The following ITPK1 variants were observed in gnomAD, a reference collection of about 807,000 sequenced individuals.
ITPK1 encodes inositol 1,3,4-trisphosphate 5/6-kinase.
Under a neutral mutation model 45.3 loss-of-function variants are expected in ITPK1, and 21 were observed. The observed-to-expected ratio is 0.46, with a 90% CI of 0.33 to 0.67. ITPK1 has a LOEUF of 0.67. ITPK1 is among the 30% of genes least tolerant of loss of function. The pLI is 0.02. For synonymous variants in ITPK1, 258 were observed against 253.6 expected (o/e 1.02, Z -0.16); for missense variants, 474 against 573.5 (o/e 0.83, Z 1.77).
Position 93,095,049 on chromosome 14 carries a change from T to C in ITPK1, c.96-18430A>G, listed in dbSNP as rs538695115. Among the ~76,000 whole-genome samples, 4 of 152,340 alleles carry C rather than the reference T, an allele frequency of 2.6e-5. No individual in the cohort carries two copies. The South Asian group carries it at 8.3e-4, about 32-fold the overall frequency. On this transcript the variant is annotated intron_variant, in intron 2 of 10. Coordinates refer to ENST00000267615, the MANE Select transcript of ITPK1 (RefSeq NM_014216.6). ...TCTTCCCAGATAGAGAAACTTGCTC[T>C]GTTCCTCGAGCAGAGTTCATCTAAC...
chr14:93,064,661 A>G (rs1890674022), intron 3 of ITPK1, among the ~76,000 whole-genome samples: 1 of 152,220 alleles, frequency 6.6e-6, no homozygotes. Context: ...CTCTAAGGCC[A>G]TTGCATAAAG....
chr14:93,048,282 TTCAATGATGGCCAG>T (rs1889865590), intron 3 of ITPK1, among the ~76,000 whole-genome samples: 1 of 152,252 alleles, frequency 6.6e-6, no homozygotes. Flanking sequence ...AAAGCTTTGT[TTCAATGATGGCCAG>T]TCTTTACGTC....
chr14:92,996,402 G>A (rs2139814487), intron 4 of ITPK1, among the ~76,000 whole-genome samples: 1 of 149,956 alleles, frequency 6.7e-6, no homozygotes, highest in East Asian at 2.0e-4. Flanking sequence ...TTGGACACAG[G>A]GTGGGGAATA....
At chr14:93,112,895 C>T (rs934028598) in intron 2 of ITPK1, among the ~76,000 whole-genome samples, 3 of 152,236 alleles carry the variant, frequency 2.0e-5, no homozygotes, top group African/African-American at 7.2e-5. Flanking sequence ...ACTAAAGTCT[C>T]ATTGGCCCTC....
chr14:93,068,133 A>C (rs895310408), intron 3 of ITPK1: 3 of 152,910 alleles, frequency 2.0e-5, no homozygotes, highest in African/African-American at 7.2e-5. Context: ...GATGAGTAAA[A>C]ATCAATTAAT....
intron 3 of ITPK1, among the ~76,000 whole-genome samples, chr14:93,028,605 C>T (rs955889942): frequency 3.3e-5 from 5 of 152,230 alleles, no homozygotes; most frequent in African/African-American, 1.2e-4. Flanking sequence ...CAGCTGCCAT[C>T]AGCATTCCAC....
intron 5 of ITPK1, among the ~76,000 whole-genome samples, chr14:92,969,269 A>C (rs1457290555): frequency 1.3e-5 from 2 of 152,154 alleles, no homozygotes; most frequent in Non-Finnish European, 2.9e-5. Context: ...ATCCAGAGAG[A>C]TAAATGAAAT....
intron 5 of ITPK1, among the ~76,000 whole-genome samples, chr14:92,971,901 A>G (rs1595098936): frequency 6.6e-6 from 1 of 152,114 alleles, no homozygotes; most frequent in East Asian, 1.9e-4. Context: ...GGTGCCTGGT[A>G]CCCACCAGCA....
intron 3 of ITPK1, among the ~76,000 whole-genome samples, chr14:93,056,318 C>T (rs1890212753): frequency 6.6e-6 from 1 of 152,166 alleles, no homozygotes; most frequent in Admixed American, 6.5e-5. Flanking sequence ...TGGGGTCACC[C>T]AAGGGCAGTG....
At chr14:93,083,577 C>T (rs1281026178) in intron 2 of ITPK1, among the ~76,000 whole-genome samples, 1 of 152,118 alleles carries the variant, frequency 6.6e-6, no homozygotes, top group Non-Finnish European at 1.5e-5. Flanking sequence ...TAACAAGACC[C>T]TTTGGCACCT....
chr14:93,033,712 G>A (rs557342893), intron 3 of ITPK1, among the ~76,000 whole-genome samples: 1 of 152,166 alleles, frequency 6.6e-6, no homozygotes, highest in South Asian at 2.1e-4. Context: ...GAGAGAGACA[G>A]ACACACACCC....
chr14:93,077,396 C>T (rs891761359), intron 2 of ITPK1, among the ~76,000 whole-genome samples: 1 of 152,180 alleles, frequency 6.6e-6, no homozygotes, highest in Non-Finnish European at 1.5e-5. Flanking sequence ...CAGCTCACTA[C>T]AACCTCCGCC....
At chr14:93,050,283 G>A (rs935081193) in intron 3 of ITPK1, among the ~76,000 whole-genome samples, 12 of 152,152 alleles carry the variant, frequency 7.9e-5, no homozygotes, top group South Asian at 2.1e-4. Flanking sequence ...AGGCAGGATC[G>A]GCTGCCTCAT....
At chr14:93,050,266 C>T (rs1889949853) in intron 3 of ITPK1, among the ~76,000 whole-genome samples, 1 of 152,160 alleles carries the variant, frequency 6.6e-6, no homozygotes. Flanking sequence ...ACAGCTGAGA[C>T]TCAAGCAGGC....
intron 3 of ITPK1, among the ~76,000 whole-genome samples, chr14:93,065,448 G>A (rs1362936925): frequency 6.6e-6 from 1 of 152,134 alleles, no homozygotes; most frequent in Non-Finnish European, 1.5e-5. Context: ...AGGTAAACAG[G>A]TTCTGTGCTG....
chr14:93,076,688 G>C lies in ITPK1; in HGVS notation c.96-69C>G. On this transcript the variant is annotated intron_variant, in intron 2 of 10. Transcript: ENST00000267615. This position sits in a 1 kb window ranked among gnomAD's most constrained non-coding sequence, Gnocchi z 4.3. ...GGACACGTCCTTTCCGAAGGTTCCC[G>C]ACAGCCGGCTGAGGGCAGGACCATG... is the stretch of plus-strand genomic sequence containing the variant. 1.3e-6 allele frequency: 2 copies of C among 1,597,480 alleles called. No homozygotes were observed. Among genetic ancestry groups the C allele is most frequent in the Non-Finnish European group, 1.7e-6 (2 of 1,165,374 alleles).
intron 3 of ITPK1, among the ~76,000 whole-genome samples, chr14:93,017,220 G>T (rs1420246617): frequency 6.6e-6 from 1 of 152,170 alleles, no homozygotes; most frequent in Non-Finnish European, 1.5e-5. Context: ...TTATGTAAAT[G>T]ACTAACATCG....
intron 5 of ITPK1, among the ~76,000 whole-genome samples, chr14:92,972,257 A>G (rs1180586231): frequency 6.6e-6 from 1 of 152,106 alleles, no homozygotes; most frequent in East Asian, 1.9e-4. Flanking sequence ...TGAAGCCCCA[A>G]TCCCCATGCC....
intron 5 of ITPK1, among the ~76,000 whole-genome samples, chr14:92,993,172 G>A (rs976216462): frequency 1.2e-4 from 18 of 152,250 alleles, no homozygotes; most frequent in African/African-American, 2.7e-4. Flanking sequence ...TCACAAAGCC[G>A]GAGGGCCCAG....
Sources: gnomAD v4.1 joint callset for allele counts (sites outside exome capture counted in the v4.1 genomes callset) on GRCh38, gnomAD v4.1.1 for gene constraint, Gnocchi (gnomAD v3.1) non-coding constraint, MANE v1.5 for transcripts, NCBI Gene and HGNC (gene_info 2026-07-23, HGNC 2026-07-21) for gene names.